The following LRRTM4 variants were observed in gnomAD, a reference collection of about 807,000 sequenced individuals.
LRRTM4 encodes the protein leucine rich repeat transmembrane neuronal 4, also known as leucine-rich repeat transmembrane neuronal protein 4.
LRRTM4 carries 25 observed loss-of-function variants against 47.6 expected under a neutral mutation model. The ratio of observed to expected loss-of-function variants is 0.53; its 90% confidence interval spans 0.38 to 0.73. The LOEUF is 0.73. Among genes scored for constraint, LRRTM4 ranks in the 30% least tolerant of loss-of-function variants. LRRTM4 has a pLI of 0.00. For missense variants in LRRTM4, 638 were observed against 713.4 expected, an observed-to-expected ratio of 0.89 and a Z score of 1.20; for synonymous variants, 311 against 269.5, an observed-to-expected ratio of 1.15 and a Z score of -1.51.
chr2:77,316,842 T>C (rs1267381785), intron 3 of LRRTM4, among the ~76,000 whole-genome samples: 1 of 152,202 alleles, frequency 6.6e-6, no homozygotes, highest in Non-Finnish European at 1.5e-5. Flanking sequence ...CACTGCACCT[T>C]ACCTATTCTC....
At chr2:77,400,233 A>G (rs1386364280) in intron 3 of LRRTM4, among the ~76,000 whole-genome samples, 2 of 151,462 alleles carry the variant, frequency 1.3e-5, no homozygotes, top group Admixed American at 6.6e-5. Context: ...TCCATTCTAA[A>G]TATTCCTGTT....
At chr2:77,193,786 A>G (rs2103884443) in intron 3 of LRRTM4, among the ~76,000 whole-genome samples, 1 of 152,284 alleles carries the variant, frequency 6.6e-6, no homozygotes, top group East Asian at 1.9e-4. Context: ...TCAGGAAAAA[A>G]ATATATATTT....
intron 3 of LRRTM4, among the ~76,000 whole-genome samples, chr2:76,794,252 T>C (rs1475726779): frequency 6.6e-6 from 1 of 152,212 alleles, no homozygotes; most frequent in African/African-American, 2.4e-5. Flanking sequence ...TTGTTTCTTA[T>C]ACTCAGAAGA....
chr2:76,832,087 G>C (rs1040677460), intron 3 of LRRTM4, among the ~76,000 whole-genome samples: 1 of 151,944 alleles, frequency 6.6e-6, no homozygotes, highest in Non-Finnish European at 1.5e-5. Context: ...TTTAATGTAG[G>C]CTCCTACTTT....
intron 3 of LRRTM4, among the ~76,000 whole-genome samples, chr2:76,982,721 G>A (rs1387096922): frequency 6.6e-6 from 1 of 151,918 alleles, no homozygotes; most frequent in Admixed American, 6.6e-5. Context: ...ATGAAAGAGA[G>A]GCAGGTATAA....
intron 3 of LRRTM4, among the ~76,000 whole-genome samples, chr2:76,912,103 T>C (rs1558733928): frequency 6.6e-6 from 1 of 152,080 alleles, no homozygotes; most frequent in Non-Finnish European, 1.5e-5. Flanking sequence ...GTATTTTTAG[T>C]AGACAGGAGG....
intron 3 of LRRTM4, among the ~76,000 whole-genome samples, chr2:77,104,592 T>C (rs1384985549): frequency 6.6e-6 from 1 of 152,124 alleles, no homozygotes; most frequent in Admixed American, 6.6e-5. Context: ...GAAAAAATAC[T>C]AAGTGCTAAA....
chr2:76,778,258 G>A (rs1197003947), intron 3 of LRRTM4, among the ~76,000 whole-genome samples: 3 of 143,354 alleles, frequency 2.1e-5, no homozygotes, highest in African/African-American at 5.4e-5. Flanking sequence ...TTGGTATCAG[G>A]ATGATGCTGG....
chr2:76,779,740 T>C (rs1355160373), intron 3 of LRRTM4, among the ~76,000 whole-genome samples: 1 of 152,220 alleles, frequency 6.6e-6, no homozygotes, highest in Non-Finnish European at 1.5e-5. Flanking sequence ...GTCTTTTAAT[T>C]GGAGCATTTA....
At chr2:77,442,631 C>T (rs558813304) in intron 3 of LRRTM4, among the ~76,000 whole-genome samples, 5 of 152,128 alleles carry the variant, frequency 3.3e-5, no homozygotes, top group Non-Finnish European at 7.4e-5. Context: ...CTTTTTTAAG[C>T]CCCATATATC....
Position 76,906,037 on chromosome 2 carries a change from A to T in LRRTM4, c.1552-157121T>A, listed in dbSNP as rs1028417538. Among the ~76,000 whole-genome samples the T allele has an allele frequency of 5.3e-5, 8 of 152,172 alleles. 2 individuals carry two copies. Among genetic ancestry groups the T allele is most frequent in the Middle Eastern group, 6.3e-3 (2 of 316 alleles). The stretch of plus-strand genomic sequence containing the variant: ...CTCGAGAAGAGCAACTCCAAGGCAC[A>T]TAATTGTCAGATTCACTAAAGTTGA... On this transcript the variant is annotated intron_variant, in intron 3 of 3. Coordinates refer to ENST00000409884, the MANE Select transcript of LRRTM4 (RefSeq NM_001134745.3).
intron 3 of LRRTM4, among the ~76,000 whole-genome samples, chr2:77,000,195 A>G (rs1677364915): frequency 6.6e-6 from 1 of 152,130 alleles, no homozygotes; most frequent in South Asian, 2.1e-4. Context: ...AAAACTGTGA[A>G]TGAGCCTGTG....
At chr2:77,413,723 C>T (rs1350983205) in intron 3 of LRRTM4, among the ~76,000 whole-genome samples, 3 of 152,036 alleles carry the variant, frequency 2.0e-5, no homozygotes, top group Non-Finnish European at 4.4e-5. Context: ...TCTCCTCTCT[C>T]CCCCAACCAG....
At chr2:77,263,707 C>A (rs1573164411) in intron 3 of LRRTM4, among the ~76,000 whole-genome samples, 1 of 152,112 alleles carries the variant, frequency 6.6e-6, no homozygotes, top group East Asian at 1.9e-4. Flanking sequence ...AATAATGTCA[C>A]TGATGATGTT....
intron 3 of LRRTM4, among the ~76,000 whole-genome samples, chr2:76,974,488 A>T (rs1676350901): frequency 6.6e-6 from 1 of 150,766 alleles, no homozygotes; most frequent in South Asian, 2.1e-4. Flanking sequence ...CCTACTATCT[A>T]TACAAACTTG....
chr2:76,780,131 G>T lies in LRRTM4; in HGVS notation c.1552-31215C>A, dbSNP rs527745059. Among the ~76,000 whole-genome samples the T allele has an allele frequency of 4.3e-3, 658 of 152,268 alleles. 5 individuals carry two copies. The highest frequency in any genetic ancestry group is 0.015 in the African/African-American group (628 of 41,558). On this transcript the variant is annotated intron_variant, in intron 3 of 3. Coordinates refer to ENST00000409884, the MANE Select transcript of LRRTM4 (RefSeq NM_001134745.3). The stretch of plus-strand genomic sequence containing the variant: ...TTGCAGGGTTTCTGCCGAGAGATCC[G>T]CTGTTAGTCTGATGGGCTTCCCTTT...
intron 3 of LRRTM4, among the ~76,000 whole-genome samples, chr2:77,101,082 G>A (rs767633922): frequency 2.6e-5 from 4 of 151,876 alleles, no homozygotes; most frequent in East Asian, 1.9e-4. Context: ...TGATCCACCC[G>A]CCTCGGCCTC....
chr2:77,287,846 C>T (rs1676706778), intron 3 of LRRTM4, among the ~76,000 whole-genome samples: 1 of 152,078 alleles, frequency 6.6e-6, no homozygotes, highest in Admixed American at 6.6e-5. Flanking sequence ...ATAGGAAAAA[C>T]AACATAGTAT....
chr2:76,915,586 T>C (rs1002009181), intron 3 of LRRTM4, among the ~76,000 whole-genome samples: 1 of 152,184 alleles, frequency 6.6e-6, no homozygotes, highest in African/African-American at 2.4e-5. Context: ...AATCTGAATG[T>C]TTTATTTTTT....
Sources: allele counts gnomAD v4.1 joint callset (sites outside exome capture counted in the v4.1 genomes callset), GRCh38; gene constraint gnomAD v4.1.1; transcripts MANE v1.5; gene names NCBI Gene and HGNC (gene_info 2026-07-23, HGNC 2026-07-21).